STK39: variants seen among roughly 807,000 people sequenced by gnomAD.
STK39 encodes STE20/SPS1-related proline-alanine-rich protein kinase.
STK39 carries 20 observed loss-of-function variants against 77.8 expected under a neutral mutation model. The observed-to-expected ratio is 0.26, with a 90% CI of 0.18 to 0.37. The LOEUF (loss-of-function observed/expected upper bound fraction) is 0.37, where lower values mean the gene tolerates loss of function less well. STK39 is among the 10% of genes least tolerant of loss of function. STK39 has a pLI of 1.00. For synonymous variants in STK39, 246 were observed against 234.1 expected (o/e 1.05, Z -0.47); for missense variants, 479 against 656.5 (o/e 0.73, Z 2.95).
chr2:167,994,110 A>G (rs1683770311), intron 16 of STK39, among the ~76,000 whole-genome samples: 1 of 152,236 alleles, frequency 6.6e-6, no homozygotes, highest in African/African-American at 2.4e-5. Flanking sequence ...TAAAGGAAGT[A>G]CATATCGGTA....
intron 15 of STK39, among the ~76,000 whole-genome samples, chr2:168,014,319 T>C (rs771295080): frequency 6.6e-6 from 1 of 152,066 alleles, no homozygotes; most frequent in Non-Finnish European, 1.5e-5. Context: ...ACGCCATCTC[T>C]ACAAAGCGTA....
chr2:167,992,076 T>C (rs1350866058), intron 16 of STK39, among the ~76,000 whole-genome samples: 2 of 152,210 alleles, frequency 1.3e-5, no homozygotes, highest in Admixed American at 6.5e-5. Flanking sequence ...ATGGCACCAG[T>C]TAGCACTAAT....
chr2:168,104,968 G>GA (rs760214277), intron 10 of STK39, among the ~76,000 whole-genome samples: 114 of 152,246 alleles, frequency 7.5e-4, no homozygotes, highest in Non-Finnish European at 1.4e-3. Flanking sequence ...TAACAAAAAG[G>GA]AATGAGGAAA....
intron 2 of STK39, 52 bp from the exon 3 acceptor site, chr2:168,167,459 C>G (rs1688719072): frequency 1.3e-6 from 2 of 1,520,812 alleles, no homozygotes; most frequent in Non-Finnish European, 1.8e-6. Context: ...AATTGGCAAG[C>G]AAAACACAAG....
intron 16 of STK39, among the ~76,000 whole-genome samples, chr2:167,974,449 T>C (rs1683218661): frequency 6.6e-6 from 1 of 152,162 alleles, no homozygotes; most frequent in African/African-American, 2.4e-5. Flanking sequence ...ATTTAACATG[T>C]TTAGTTACAT....
At chr2:168,140,523 G>T in intron 6 of STK39, 126 bp downstream of exon 6, 1 of 1,152,538 alleles carries the variant, frequency 8.7e-7, no homozygotes, top group African/African-American at 1.5e-5. Flanking sequence ...GCTAGCAATT[G>T]AGAATTAAAT....
chr2:168,124,732 A>T (rs1400209622), intron 10 of STK39, among the ~76,000 whole-genome samples: 1 of 152,168 alleles, frequency 6.6e-6, no homozygotes, highest in Admixed American at 6.6e-5. Context: ...CAGAAAGCAT[A>T]TGAATATGAG....
intron 8 of STK39, 61 bp downstream of exon 8, chr2:168,138,027 C>T: frequency 1.9e-6 from 3 of 1,562,484 alleles, no homozygotes; most frequent in East Asian, 4.5e-5. Context: ...TCCCCATCTA[C>T]AAACAAAGCT....
At position 168,210,082 on chromosome 2, in the gene STK39, A is replaced by G. The variant is rs79091098; in HGVS notation, c.209-27992T>C. Among the ~76,000 whole-genome samples the G allele has an allele frequency of 7.4e-3, 957 of 128,952 alleles. 17 individuals carry two copies. Among genetic ancestry groups the G allele is most frequent in the African/African-American group, 0.023 (726 of 32,040 alleles). The allele number at this position is 128,952 out of a possible 152,430, so 84.6% of individuals were successfully genotyped here. ...GGAAGGAAGGAAGGAAGGAAGGAAG[A>G]AAGAAACTCATGTAATTAGAAAAAC... is the stretch of plus-strand genomic sequence containing the variant. On this transcript the variant is annotated intron_variant, in intron 1 of 17. Coordinates refer to ENST00000355999, the MANE Select transcript of STK39 (RefSeq NM_013233.3).
chr2:168,159,721 C>A (rs1409335341), intron 5 of STK39, among the ~76,000 whole-genome samples: 12 of 152,190 alleles, frequency 7.9e-5, no homozygotes, highest in African/African-American at 2.9e-4. Flanking sequence ...CACCATACAT[C>A]TGGGAAATGG....
In STK39 at chr2:168,158,911, A is replaced by G. The variant is rs1224758693; in HGVS notation, c.628+2876T>C. 2.6e-5 allele frequency among the ~76,000 whole-genome samples: 4 copies of G among 152,242 alleles called. No individual in the cohort carries two copies. The East Asian group carries it at 7.7e-4, about 29-fold the overall frequency. ...CCAGAGAATTTGGACTGTGTTCAAC[A>G]GAACCAGGCTCATTATCCTATCCAC... On this transcript the variant is annotated intron_variant, in intron 5 of 17. Coordinates refer to ENST00000355999, the MANE Select transcript of STK39 (RefSeq NM_013233.3).
chr2:168,034,468 G>C (rs753374054), intron 14 of STK39, among the ~76,000 whole-genome samples: 1 of 152,184 alleles, frequency 6.6e-6, no homozygotes, highest in Non-Finnish European at 1.5e-5. Context: ...TCAAATCAGA[G>C]GAAGTCTCTG....
At chr2:167,996,683 G>A (rs1323683568) in intron 16 of STK39, among the ~76,000 whole-genome samples, 3 of 152,188 alleles carry the variant, frequency 2.0e-5, no homozygotes, top group Non-Finnish European at 4.4e-5. Context: ...CTATAAGCAT[G>A]GCTGCTCTTC....
intron 16 of STK39, among the ~76,000 whole-genome samples, chr2:168,009,863 A>G (rs1366225789): frequency 6.6e-6 from 1 of 152,248 alleles, no homozygotes; most frequent in Non-Finnish European, 1.5e-5. Context: ...TTATGGTTAT[A>G]TATTGTATTT....
At chr2:167,984,125 T>C (rs1331360340) in intron 16 of STK39, among the ~76,000 whole-genome samples, 4 of 152,214 alleles carry the variant, frequency 2.6e-5, no homozygotes. Context: ...ACTATGATTA[T>C]TCAGTTATTA....
chr2:168,246,801 G>A (rs376952240), intron 1 of STK39, among the ~76,000 whole-genome samples: 3 of 152,056 alleles, frequency 2.0e-5, no homozygotes, highest in Admixed American at 6.5e-5. Flanking sequence ...GGCCCCCGGG[G>A]CCCTGGAAAC....
intron 16 of STK39, among the ~76,000 whole-genome samples, chr2:167,987,330 A>G (rs1331412266): frequency 6.6e-6 from 1 of 152,168 alleles, no homozygotes; most frequent in African/African-American, 2.4e-5. Context: ...CTGTGAGAAA[A>G]GCGAGGATGC....
intron 14 of STK39, among the ~76,000 whole-genome samples, chr2:168,040,991 T>C (rs957625228): frequency 6.6e-5 from 10 of 152,176 alleles, no homozygotes; most frequent in African/African-American, 2.4e-4. Flanking sequence ...TTAAATTTTG[T>C]GCATTATGGG....
At chr2:168,089,632 T>C (rs974614916) in intron 10 of STK39, among the ~76,000 whole-genome samples, 9 of 152,252 alleles carry the variant, frequency 5.9e-5, no homozygotes, top group African/African-American at 1.7e-4. Flanking sequence ...ATGTATTCTT[T>C]GAGACAGTTT....
Sources: gnomAD v4.1 joint callset for allele counts (sites outside exome capture counted in the v4.1 genomes callset) on GRCh38, gnomAD v4.1.1 for gene constraint, MANE v1.5 for transcripts, NCBI Gene and HGNC (gene_info 2026-07-23, HGNC 2026-07-21) for gene names.